Variants in PRKCA observed in about 807,000 individuals in gnomAD.
The protein encoded by PRKCA is protein kinase C alpha, also known as protein kinase C alpha type.
PRKCA carries 27 observed loss-of-function variants against 87.0 expected under a neutral mutation model. The ratio of observed to expected loss-of-function variants is 0.31; its 90% CI spans 0.23 to 0.43. The LOEUF is 0.43. Ranked by LOEUF, PRKCA falls within the 20% of genes least tolerant of loss-of-function variation. The pLI is 1.00. For missense variants in PRKCA, 518 were observed against 852.3 expected, an observed-to-expected ratio of 0.61 and a Z score of 4.88; for synonymous variants, 329 against 311.1, an observed-to-expected ratio of 1.06 and a Z score of -0.61.
intron 3 of PRKCA, among the ~76,000 whole-genome samples, chr17:66,533,427 C>G (rs1407053462): frequency 6.6e-6 from 1 of 152,178 alleles, no homozygotes; most frequent in Admixed American, 6.5e-5. Flanking sequence ...CTGTCCTGAC[C>G]CCCCTGGTTT....
chr17:66,651,296 A>G (rs561147807), intron 5 of PRKCA, among the ~76,000 whole-genome samples: 25 of 152,314 alleles, frequency 1.6e-4, no homozygotes, highest in Admixed American at 3.9e-4. Context: ...CACAATCCTT[A>G]GGAGCCATGC....
At chr17:66,607,730 TGG>T (rs889433780) in intron 3 of PRKCA, among the ~76,000 whole-genome samples, 4 of 152,070 alleles carry the variant, frequency 2.6e-5, no homozygotes, top group Admixed American at 6.5e-5. Flanking sequence ...TGGTAGAGTG[TGG>T]GGGGCCGGGG....
chr17:66,545,335 A>G (rs958092188), intron 3 of PRKCA, among the ~76,000 whole-genome samples: 1 of 152,206 alleles, frequency 6.6e-6, no homozygotes, highest in African/African-American at 2.4e-5. Context: ...AGGCTGAGGT[A>G]GGAGAATGGC....
intron 14 of PRKCA, among the ~76,000 whole-genome samples, chr17:66,781,868 G>GAGATATATATATATATATATATATAT (rs1491546533): frequency 2.0e-5 from 2 of 99,318 alleles, no homozygotes; most frequent in African/African-American, 7.6e-5. Flanking sequence ...GAGAGAGAGA[G>GAGATATATATATATATATATATATAT]ATATATATAT....
At chr17:66,495,207 A>G (rs1916418978) in intron 2 of PRKCA, among the ~76,000 whole-genome samples, 1 of 152,040 alleles carries the variant, frequency 6.6e-6, no homozygotes, top group Non-Finnish European at 1.5e-5. Flanking sequence ...GAAAATATTT[A>G]CTGGGTAGTA....
chr17:66,612,331 A>G (rs575478632), intron 3 of PRKCA, among the ~76,000 whole-genome samples: 3 of 150,542 alleles, frequency 2.0e-5, no homozygotes, highest in Non-Finnish European at 4.4e-5. Context: ...CAGTGAGCCA[A>G]GACCACACCA....
chr17:66,762,991 A>C (rs1568019524), intron 13 of PRKCA, among the ~76,000 whole-genome samples: 1 of 152,118 alleles, frequency 6.6e-6, no homozygotes, highest in Non-Finnish European at 1.5e-5. Flanking sequence ...GAGTTTCACC[A>C]TGTTGGCCAG....
intron 3 of PRKCA, among the ~76,000 whole-genome samples, chr17:66,566,363 T>G (rs1024518180): frequency 6.6e-6 from 1 of 152,180 alleles, no homozygotes; most frequent in Non-Finnish European, 1.5e-5. Flanking sequence ...AGAAATATTT[T>G]TTATGTTTTA....
intron 3 of PRKCA, among the ~76,000 whole-genome samples, chr17:66,628,933 G>T (rs1249758233): frequency 1.3e-5 from 2 of 152,244 alleles, no homozygotes; most frequent in Non-Finnish European, 2.9e-5. Flanking sequence ...GGAGGCTGAG[G>T]CAGGAGAATC....
At chr17:66,798,435 CGGT>C (rs1568040859) in intron 16 of PRKCA, among the ~76,000 whole-genome samples, 39 of 13,684 alleles carry the variant, frequency 2.9e-3, no homozygotes, top group African/African-American at 0.013. Flanking sequence ...GTGGTGGTGA[CGGT>C]GGTGGTGGTG....
chr17:66,693,332 A>G (rs1972830666), intron 8 of PRKCA, among the ~76,000 whole-genome samples: 1 of 152,232 alleles, frequency 6.6e-6, no homozygotes, highest in South Asian at 2.1e-4. Flanking sequence ...CACGTTTGTC[A>G]TCAAGTAAAG....
At chr17:66,474,547 A>G (rs1004198428) in intron 2 of PRKCA, among the ~76,000 whole-genome samples, 16 of 152,178 alleles carry the variant, frequency 1.1e-4, no homozygotes, top group Admixed American at 1.0e-3. Flanking sequence ...AATGAATCCA[A>G]TGGAAAAGGA....
chr17:66,465,843 C>T (rs1199078290), intron 2 of PRKCA, among the ~76,000 whole-genome samples: 1 of 152,170 alleles, frequency 6.6e-6, no homozygotes, highest in Non-Finnish European at 1.5e-5. Context: ...AGGCCAGTAA[C>T]ATTTTAAATG....
At chr17:66,306,263 A>G in intron 2 of PRKCA, 136 bp downstream of exon 2, 1 of 890,784 alleles carries the variant, frequency 1.1e-6, no homozygotes, top group South Asian at 1.8e-5. Flanking sequence ...AGGGCTGTAA[A>G]TTTGGGCCTT....
At chr17:66,699,867 T>C (rs755176131) in intron 8 of PRKCA, among the ~76,000 whole-genome samples, 17 of 152,254 alleles carry the variant, frequency 1.1e-4, no homozygotes, top group Non-Finnish European at 1.8e-4. Context: ...GTGCCCAGAC[T>C]CTACCAAACA....
intron 2 of PRKCA, among the ~76,000 whole-genome samples, chr17:66,412,185 C>T (rs115259896): frequency 0.043 from 6,602 of 151,972 alleles, 177 homozygotes; most frequent in South Asian, 0.11. Context: ...GATCCTCCCA[C>T]CTCAGCCTCC....
At chr17:66,800,155 G>A (rs963370116) in intron 16 of PRKCA, among the ~76,000 whole-genome samples, 3 of 152,206 alleles carry the variant, frequency 2.0e-5, no homozygotes, top group East Asian at 3.8e-4. Flanking sequence ...TCTCTCCACC[G>A]AAGTGAACCA....
chr17:66,623,052 T>G (rs7223814), intron 3 of PRKCA, among the ~76,000 whole-genome samples: 149,164 of 152,360 alleles, frequency 0.98, 73,027 homozygotes, highest in East Asian at 1. Flanking sequence ...CCATTTCCTG[T>G]AGGACAGACA....
At chr17:66,452,904 GA>G (rs1159447087) in intron 2 of PRKCA, among the ~76,000 whole-genome samples, 1 of 152,168 alleles carries the variant, frequency 6.6e-6, no homozygotes, top group African/African-American at 2.4e-5. Context: ...CACATAACTA[GA>G]AATTATGAGG....
Sources: gnomAD v4.1 joint callset for allele counts (sites outside exome capture counted in the v4.1 genomes callset) on GRCh38, gnomAD v4.1.1 for gene constraint, MANE v1.5 for transcripts, NCBI Gene and HGNC (gene_info 2026-07-23, HGNC 2026-07-21) for gene names.